ZNF584: variants seen among roughly 807,000 people sequenced by gnomAD.
ZNF584 encodes the protein zinc finger protein 584.
Under a neutral mutation model 14.7 loss-of-function variants are expected in ZNF584, and 12 were observed. The observed-to-expected ratio is 0.82, with a 90% CI of 0.52 to 1.32. The LOEUF is 1.32. Among genes scored for constraint, ZNF584 ranks in the 40% most tolerant of loss-of-function variants. ZNF584 has a pLI of 0.00. For missense variants in ZNF584, 478 were observed against 518.8 expected (o/e 0.92, Z 0.76); for synonymous variants, 204 against 190.9 (o/e 1.07, Z -0.57).
At chr19:58,411,924 AT>A (rs573673838) in intron 2 of ZNF584, among the ~76,000 whole-genome samples, 298 of 143,728 alleles carry the variant, frequency 2.1e-3, no homozygotes, top group African/African-American at 7.3e-3. Flanking sequence ...TGATTTTCAT[AT>A]GTTCAACCTT....
At position 58,416,832 on chromosome 19, in the gene ZNF584, A is replaced by T. The variant is rs578087257; in HGVS notation, c.314A>T (p.Asp105Val). The change falls in exon 4 of 4, where the codon GAT (aspartate) becomes GTT (valine). Residue 105 changes from aspartate (D) to valine (V), a missense_variant. By Grantham distance (152) the Asp-to-Val change is radical (BLOSUM62 -3). This residue lies in a region of ZNF584 where 189 missense variants were observed against 177.9 expected (regional missense o/e 1.06). Coordinates refer to ENST00000306910, the MANE Select transcript of ZNF584 (RefSeq NM_173548.3). Reference sequence around the variant, plus strand: ...TCAGATGGTTTGTGTAGAGTGGAGGATGAGAGAGCCCATCCTGAGCATCTA... The same window carrying T: ...TCAGATGGTTTGTGTAGAGTGGAGGTTGAGAGAGCCCATCCTGAGCATCTA... ...FGLDGLCRVE[D>V]ERAHPEHLKS... 6.4e-7 allele frequency: 1 copy of T among 1,559,792 alleles called. No individual in the cohort carries two copies. Among genetic ancestry groups the T allele is most frequent in the African/African-American group, 1.4e-5 (1 of 72,936 alleles).
At chr19:58,411,621 T>A (rs1001262655) in intron 2 of ZNF584, among the ~76,000 whole-genome samples, 11 of 152,212 alleles carry the variant, frequency 7.2e-5, no homozygotes, top group African/African-American at 1.7e-4. Context: ...TCTCTTCTGT[T>A]AATGTAGTAT....
At chr19:58,416,594 G>A (rs2052645488) in intron 3 of ZNF584, 2 of 425,270 alleles carry the variant, frequency 4.7e-6, no homozygotes, top group Non-Finnish European at 8.2e-6. Flanking sequence ...AAGAGATGGG[G>A]TTTCGTCGTG....
chr19:58,414,874 C>CT lies in ZNF584; in HGVS notation c.170-640dup, dbSNP rs35582780. Among the ~76,000 whole-genome samples the CT allele has an allele frequency of 2.3e-4, 34 of 148,856 alleles. 1 individual carries two copies. Among genetic ancestry groups the CT allele is most frequent in the South Asian group, 8.6e-4 (4 of 4,664 alleles). The stretch of plus-strand genomic sequence containing the variant: ...ATGTCAGTTTTGCTTCATAGAAAGG[C>CT]TTTTTTTTTTCTTTTTGTTTGTTTG... On this transcript the variant is annotated intron_variant, in intron 2 of 3. Coordinates refer to ENST00000306910, the MANE Select transcript of ZNF584 (RefSeq NM_173548.3).
At chr19:58,402,149 C>G (rs943121561) in intron 1 of ZNF584, among the ~76,000 whole-genome samples, 3 of 152,134 alleles carry the variant, frequency 2.0e-5, no homozygotes, top group African/African-American at 7.2e-5. Context: ...CACTCTAACC[C>G]CACACCCACT....
Position 58,409,980 on chromosome 19 carries a change from G to C in ZNF584, c.58G>C (p.Glu20Gln). The C allele has an allele frequency of 6.2e-7, 1 of 1,614,092 alleles. No homozygotes were observed. The highest frequency in any genetic ancestry group is 8.5e-7 in the Non-Finnish European group (1 of 1,180,004). Residue 20 changes from glutamate (E) to glutamine (Q), a missense_variant, in exon 2 of 4, where the codon GAG (glutamate) becomes CAG (glutamine). Transcript: ENST00000306910. Reference sequence around the variant, plus strand: ...ATCATTGCAGGGCTTGGTGATGTTTGAGGATGTGACGGTATATTTCTCCAG... The same window carrying C: ...ATCATTGCAGGGCTTGGTGATGTTTCAGGATGTGACGGTATATTTCTCCAG... ...DPSLQGLVMF[E>Q]DVTVYFSREE...
intron 2 of ZNF584, among the ~76,000 whole-genome samples, chr19:58,411,773 A>G (rs2052575437): frequency 6.6e-6 from 1 of 150,516 alleles, no homozygotes; most frequent in African/African-American, 2.4e-5. Context: ...CCTCCCAAGT[A>G]GCTGGGACTA....
intron 1 of ZNF584, among the ~76,000 whole-genome samples, chr19:58,409,637 C>T (rs944426834): frequency 2.0e-5 from 3 of 152,160 alleles, no homozygotes; most frequent in Non-Finnish European, 2.9e-5. Flanking sequence ...AGCCTGTGCC[C>T]TTGGCCCTGC....
upstream of ZNF584, among the ~76,000 whole-genome samples, chr19:58,403,958 CAAA>C (rs35295910): frequency 3.9e-4 from 31 of 80,070 alleles, no homozygotes; most frequent in East Asian, 0.012. Flanking sequence ...AACTCCGTCT[CAAA>C]AAAAAAAAAA....
chr19:58,410,739 ATG>A lies in ZNF584; in HGVS notation c.169+654_169+655del, dbSNP rs1293359141. 7.4e-4 allele frequency among the ~76,000 whole-genome samples: 32 copies of A among 43,024 alleles called. 3 individuals carry two copies. The highest frequency in any genetic ancestry group is 1.8e-3 in the South Asian group (3 of 1,656). 28.2% of individuals were successfully genotyped at this position (43,024 alleles called of 152,430 possible). Reference sequence around the variant, plus strand: ...TGTATATATATATGTATATATATATATGTGTGTATATATATATATATATGTAT... The same window carrying A: ...TGTATATATATATGTATATATATATATGTGTATATATATATATATATGTAT... On this transcript the variant is annotated intron_variant, in intron 2 of 3. Coordinates refer to ENST00000306910, the MANE Select transcript of ZNF584 (RefSeq NM_173548.3).
upstream of ZNF584, chr19:58,406,475 G>A (rs2052474905): frequency 6.6e-6 from 1 of 152,486 alleles, no homozygotes. Flanking sequence ...AGAGGGGACA[G>A]GGTACAGGAG....
At chr19:58,403,514 A>T (rs1485048219) in intron 1 of ZNF584, among the ~76,000 whole-genome samples, 2 of 46,090 alleles carry the variant, frequency 4.3e-5, no homozygotes, top group Non-Finnish European at 9.3e-5. Context: ...ACTCAGTGGG[A>T]GGGAGGGAGG....
chr19:58,414,880 TTTTTC>T (rs1057118510), intron 2 of ZNF584, among the ~76,000 whole-genome samples: 15 of 151,978 alleles, frequency 9.9e-5, no homozygotes, highest in African/African-American at 3.4e-4. Flanking sequence ...AAGGCTTTTT[TTTTTC>T]TTTTTGTTTG....
Position 58,409,964 on chromosome 19 carries a change from G to A in ZNF584, c.42G>A (p.Gln14=). Residue 14 remains glutamine, a synonymous_variant, in exon 2 of 4, where the codon CAG becomes CAA. Coordinates refer to ENST00000306910, the MANE Select transcript of ZNF584 (RefSeq NM_173548.3). ...EAEAQLDPSL[Q]GLVMFEDVTV... Reference sequence around the variant, plus strand: ...AGGCTCAGTTGGACCCATCATTGCAGGGCTTGGTGATGTTTGAGGATGTGA... The same window carrying A: ...AGGCTCAGTTGGACCCATCATTGCAAGGCTTGGTGATGTTTGAGGATGTGA... 1 of 1,614,100 alleles carries A rather than the reference G, an allele frequency of 6.2e-7. No individual in the cohort carries two copies. The highest frequency in any genetic ancestry group is 8.5e-7 in the Non-Finnish European group (1 of 1,180,010).
At chr19:58,410,533 A>G (rs1245029110) in intron 2 of ZNF584, among the ~76,000 whole-genome samples, 1 of 21,450 alleles carries the variant, frequency 4.7e-5, no homozygotes, top group East Asian at 7.2e-4. Flanking sequence ...ATATATATAT[A>G]TATATATATA....
intron 3 of ZNF584, chr19:58,415,999 T>C (rs934860002): frequency 8.9e-6 from 14 of 1,572,432 alleles, no homozygotes; most frequent in Middle Eastern, 1.7e-4. Flanking sequence ...TATTTTGGAA[T>C]CACATTTTGC....
At position 58,417,292 on chromosome 19, in the gene ZNF584, T is replaced by C. The variant is rs767947354; in HGVS notation, c.774T>C (p.Val258=). The C allele has an allele frequency of 6.2e-7, 1 of 1,614,204 alleles. No homozygotes were observed. Among genetic ancestry groups the C allele is most frequent in the South Asian group, 1.1e-5 (1 of 91,078 alleles). ...GKTFNRKDAL[V]LHQRIHTGER... Reference sequence around the variant, plus strand: ...CCTTCAACCGCAAAGACGCACTTGTTCTACACCAGAGGATTCACACTGGAG... The same window carrying C: ...CCTTCAACCGCAAAGACGCACTTGTCCTACACCAGAGGATTCACACTGGAG... Residue 258 remains valine (V), a synonymous_variant, in exon 4 of 4, where the codon GTT becomes GTC. Transcript: ENST00000306910.
chr19:58,415,082 G>A (rs1008819246), intron 2 of ZNF584, among the ~76,000 whole-genome samples: 1 of 151,498 alleles, frequency 6.6e-6, no homozygotes, highest in Admixed American at 6.6e-5. Context: ...TTTAGTAGAA[G>A]GGGGGTTTCA....
chr19:58,416,595 T>G (rs2052645518), intron 3 of ZNF584: 2 of 423,632 alleles, frequency 4.7e-6, no homozygotes, highest in Non-Finnish European at 4.1e-6. Flanking sequence ...AGAGATGGGG[T>G]TTCGTCGTGT....
Sources: gnomAD v4.1 joint callset for allele counts (sites outside exome capture counted in the v4.1 genomes callset) on GRCh38, gnomAD v4.1.1 for gene constraint, gnomAD v4.1.1 regional missense constraint, MANE v1.5 for transcripts, NCBI Gene and HGNC (gene_info 2026-07-23, HGNC 2026-07-21) for gene names.